The following CALN1 variants were observed in gnomAD, a reference collection of about 807,000 sequenced individuals.
The protein encoded by CALN1 is calneuron 1.
Under a neutral mutation model 30.6 loss-of-function variants are expected in CALN1, and 17 were observed. That is an observed-to-expected ratio of 0.56 (90% CI 0.38 to 0.83). The LOEUF (loss-of-function observed/expected upper bound fraction) is 0.83, where lower values mean the gene tolerates loss of function less well. CALN1 is among the 40% of genes least tolerant of loss of function. The pLI is 0.00. For synonymous variants in CALN1, 156 were observed against 131.4 expected (o/e 1.19, Z -1.28); for missense variants, 291 against 354.9 (o/e 0.82, Z 1.45).
chr7:71,920,093 T>C (rs1794862726), intron 5 of CALN1, among the ~76,000 whole-genome samples: 1 of 152,156 alleles, frequency 6.6e-6, no homozygotes, highest in African/African-American at 2.4e-5. Flanking sequence ...AAACAAGCTG[T>C]TTAAAGGATT....
intron 3 of CALN1, among the ~76,000 whole-genome samples, chr7:72,228,387 G>A (rs531440609): frequency 1.3e-5 from 2 of 151,840 alleles, no homozygotes; most frequent in South Asian, 2.1e-4. Flanking sequence ...GCTCCTCACC[G>A]GGTTTCTCTG....
At chr7:71,922,229 C>T (rs1052310733) in intron 5 of CALN1, among the ~76,000 whole-genome samples, 12 of 152,110 alleles carry the variant, frequency 7.9e-5, no homozygotes, top group South Asian at 2.1e-4. Flanking sequence ...CTCTTTGGCA[C>T]GCTATGAAGG....
Position 71,783,658 on chromosome 7 carries a change from G to A in CALN1, c.*4117C>T, listed in dbSNP as rs1432443089. 1 of 152,666 alleles carries A rather than the reference G, an allele frequency of 6.6e-6. No individual in the cohort carries two copies. The highest frequency in any genetic ancestry group is 1.5e-5 in the Non-Finnish European group (1 of 68,054). 9.5% of individuals were successfully genotyped at this position (152,666 alleles called of 1,614,324 possible). Reference sequence around the variant, plus strand: ...AGGGAAACTGCTAGATTTAGGTGAAGAGCAACGTGCAAAACTGTCTTTGAT... The same window carrying A: ...AGGGAAACTGCTAGATTTAGGTGAAAAGCAACGTGCAAAACTGTCTTTGAT... On this transcript the variant is annotated 3_prime_UTR_variant, in exon 7 of 7. Coordinates refer to ENST00000395275, the MANE Select transcript of CALN1 (RefSeq NM_031468.4).
intron 4 of CALN1, among the ~76,000 whole-genome samples, chr7:72,091,879 G>A (rs1584924107): frequency 2.0e-5 from 3 of 152,232 alleles, no homozygotes; most frequent in East Asian, 1.9e-4. Context: ...AATGGTGTAC[G>A]GCCAAATATA....
chr7:72,326,931 T>C (rs1801318534), intron 2 of CALN1, among the ~76,000 whole-genome samples: 1 of 152,246 alleles, frequency 6.6e-6, no homozygotes, highest in South Asian at 2.1e-4. Flanking sequence ...TCCATGGTTC[T>C]ATTACTTTGC....
intron 4 of CALN1, 76 bp downstream of exon 4, chr7:72,106,075 G>A: frequency 6.5e-7 from 1 of 1,539,402 alleles, no homozygotes; most frequent in Non-Finnish European, 8.8e-7. Flanking sequence ...AAAGTGCAAG[G>A]CCCTGCATAA....
chr7:72,185,888 G>A (rs1585116847), intron 3 of CALN1, among the ~76,000 whole-genome samples: 1 of 152,190 alleles, frequency 6.6e-6, no homozygotes, highest in Non-Finnish European at 1.5e-5. Context: ...CAGCCATGTG[G>A]AACTGTAATT....
the CALN1 span, among the ~76,000 whole-genome samples, chr7:72,487,753 G>A: frequency 3.6e-5 from 4 of 110,646 alleles, no homozygotes; most frequent in Admixed American, 2.0e-4. Context: ...AAGGAAGGAA[G>A]GAAGGAAGGG....
intron 5 of CALN1, among the ~76,000 whole-genome samples, chr7:71,977,789 G>A (rs577586542): frequency 1.3e-5 from 2 of 152,022 alleles, no homozygotes; most frequent in East Asian, 1.9e-4. Context: ...AAAATTAACC[G>A]TGCATGGTGG....
chr7:71,897,846 T>G (rs1222704673), intron 5 of CALN1, among the ~76,000 whole-genome samples: 1 of 150,974 alleles, frequency 6.6e-6, no homozygotes, highest in Non-Finnish European at 1.5e-5. Flanking sequence ...TGGAGGGAAT[T>G]CCAATATTGA....
At chr7:72,301,882 T>C (rs918389606) in intron 2 of CALN1, among the ~76,000 whole-genome samples, 1 of 152,086 alleles carries the variant, frequency 6.6e-6, no homozygotes, top group Non-Finnish European at 1.5e-5. Context: ...GGAATGGCAA[T>C]GACCAAACAA....
intron 2 of CALN1, among the ~76,000 whole-genome samples, chr7:72,397,694 T>C (rs927138184): frequency 1.4e-5 from 2 of 139,676 alleles, no homozygotes; most frequent in African/African-American, 5.4e-5. Flanking sequence ...TGGGGGATCT[T>C]GGAGAGCACC....
At chr7:72,302,666 C>T (rs892316664) in intron 2 of CALN1, among the ~76,000 whole-genome samples, 2 of 151,646 alleles carry the variant, frequency 1.3e-5, no homozygotes, top group African/African-American at 2.4e-5. Flanking sequence ...GGCCAAGGCA[C>T]GTGGATCACT....
At chr7:72,276,394 C>G (rs960851365) in intron 3 of CALN1, among the ~76,000 whole-genome samples, 20 of 152,316 alleles carry the variant, frequency 1.3e-4, no homozygotes, top group Non-Finnish European at 2.4e-4. Flanking sequence ...CCCAAAATGC[C>G]TATGTGGAAA....
At chr7:72,377,954 A>G (rs1435768188) in intron 2 of CALN1, among the ~76,000 whole-genome samples, 1 of 152,112 alleles carries the variant, frequency 6.6e-6, no homozygotes, top group East Asian at 1.9e-4. Context: ...GGAGTTTTTC[A>G]AAGCCTGCCC....
Position 72,115,094 on chromosome 7 carries a change from C to CTA in CALN1, c.245-8802_245-8801dup, listed in dbSNP as rs1361084040. On this transcript the variant is annotated intron_variant, in intron 3 of 6. Transcript: ENST00000395275. The stretch of plus-strand genomic sequence containing the variant: ...CATTACATTATATATGGACATTATA[C>CTA]TATATATATAGTATAATATATATAG... Among the ~76,000 whole-genome samples, 44 of 146,390 alleles carry CTA rather than the reference C, an allele frequency of 3.0e-4. No homozygotes were observed. In the East Asian group the frequency reaches 8.4e-3, roughly 28 times the overall value.
chr7:72,215,064 A>G (rs1792677794), intron 3 of CALN1, among the ~76,000 whole-genome samples: 1 of 152,120 alleles, frequency 6.6e-6, no homozygotes, highest in Non-Finnish European at 1.5e-5. Flanking sequence ...TGGAATGCAC[A>G]TGAATCATCC....
chr7:72,313,016 G>A (rs1478766641), intron 2 of CALN1, among the ~76,000 whole-genome samples: 1 of 152,058 alleles, frequency 6.6e-6, no homozygotes, highest in African/African-American at 2.4e-5. Flanking sequence ...TGTGTTTTTA[G>A]TAGAGACAGG....
chr7:72,453,993 A>AAAAAAAAAAT, the CALN1 span, among the ~76,000 whole-genome samples: 54 of 148,210 alleles, frequency 3.6e-4, no homozygotes, highest in African/African-American at 1.3e-3. Flanking sequence ...ACAACCAAAA[A>AAAAAAAAAAT]ATATATATAT....
Sources: gnomAD v4.1 joint callset for allele counts (sites outside exome capture counted in the v4.1 genomes callset) on GRCh38, gnomAD v4.1.1 for gene constraint, MANE v1.5 for transcripts, NCBI Gene and HGNC (gene_info 2026-07-23, HGNC 2026-07-21) for gene names.